MLH3: variants seen among roughly 807,000 people sequenced by gnomAD.
The protein encoded by MLH3 is mutL homolog 3.
A neutral mutation model predicts 122.2 loss-of-function variants in MLH3; 82 were observed. The observed-to-expected ratio is 0.67, with a 90% CI of 0.56 to 0.81. The LOEUF (loss-of-function observed/expected upper bound fraction) is 0.81, where lower values mean the gene tolerates loss of function less well. Among genes scored for constraint, MLH3 ranks in the 30% least tolerant of loss-of-function variants. MLH3 has a pLI of 0.00. For missense variants in MLH3, 1,539 were observed against 1,714.5 expected (o/e 0.90, Z 1.81); for synonymous variants, 524 against 599.5 (o/e 0.87, Z 1.84).
intron 9 of MLH3, among the ~76,000 whole-genome samples, chr14:75,027,143 G>T (rs928348692): frequency 6.6e-6 from 1 of 151,782 alleles, no homozygotes; most frequent in African/African-American, 2.4e-5. Context: ...CAAAAGTAGT[G>T]AAATATTTTC....
chr14:75,028,983 T>A (rs1339890104), intron 9 of MLH3, among the ~76,000 whole-genome samples: 1 of 151,066 alleles, frequency 6.6e-6, no homozygotes, highest in Admixed American at 6.6e-5. Context: ...ACCCCATCTC[T>A]ACTAAAAATA....
chr14:75,031,896 C>G (rs1050267288), intron 8 of MLH3, among the ~76,000 whole-genome samples, 172 bp downstream of exon 8: 1 of 152,180 alleles, frequency 6.6e-6, no homozygotes, highest in Non-Finnish European at 1.5e-5. Context: ...TGGAGTCAGA[C>G]GACCTGCCTT....
rs902755970 is a variant in MLH3, at chr14:75,048,005, G to A, written c.1651C>T (p.Pro551Ser). 133 of 1,613,632 alleles carry A rather than the reference G, an allele frequency of 8.2e-5. No individual in the cohort carries two copies. Among genetic ancestry groups the A allele is most frequent in the Non-Finnish European group, 1.1e-4 (128 of 1,179,966 alleles). ...ILKNNRIQNQ[P>S]KRFKDATEVG... ...TCAGTAGCATCTTTAAATCTCTTTG[G>A]TTGATTCTGAATTCTATTATTTTTC... is the stretch of plus-strand genomic sequence containing the variant. Residue 551 changes from proline (P) to serine (S), a missense_variant, in exon 2 of 13, where the codon CCA becomes TCA. Physicochemically the swap from Pro to Ser is moderately conservative, Grantham distance 74. Transcript: ENST00000355774.
chr14:75,050,251 G>T (rs1188869487), intron 1 of MLH3, among the ~76,000 whole-genome samples: 1 of 152,118 alleles, frequency 6.6e-6, no homozygotes, highest in Non-Finnish European at 1.5e-5. Flanking sequence ...GCATTAAGAG[G>T]TTATTATTAT....
chr14:75,046,241 C>A (rs1892207767), intron 2 of MLH3, 135 bp downstream of exon 2: 3 of 804,390 alleles, frequency 3.7e-6, no homozygotes, highest in Non-Finnish European at 6.1e-6. Context: ...CATGAAAATA[C>A]AACATATGTT....
At chr14:75,029,808 T>C (rs1890917388) in intron 9 of MLH3, among the ~76,000 whole-genome samples, 1 of 152,164 alleles carries the variant, frequency 6.6e-6, no homozygotes, top group African/African-American at 2.4e-5. Context: ...GTGCTGGCAT[T>C]ACAGGTGTGA....
At position 75,015,784 on chromosome 14, in the gene MLH3, A is replaced by C. The variant is rs1377178452; in HGVS notation, c.*1298T>G. Reference sequence around the variant, plus strand: ...TCTGGGGCAGACGCTAATGAATGCAATACTTTCATTGCTCCTGTAAGATTC... The same window carrying C: ...TCTGGGGCAGACGCTAATGAATGCACTACTTTCATTGCTCCTGTAAGATTC... On this transcript the variant is annotated 3_prime_UTR_variant, in exon 13 of 13. Coordinates refer to ENST00000355774, the MANE Select transcript of MLH3 (RefSeq NM_001040108.2). 4.5e-6 allele frequency: 1 copy of C among 224,022 alleles called. No homozygotes were observed. Among genetic ancestry groups the C allele is most frequent in the Non-Finnish European group, 8.9e-6 (1 of 112,270 alleles). The allele number at this position is 224,022 out of a possible 1,614,324, so 13.9% of individuals were successfully genotyped here.
At chr14:75,018,710 T>C (rs1890060975) in intron 12 of MLH3, 119 bp downstream of exon 12, 3 of 1,157,932 alleles carry the variant, frequency 2.6e-6, no homozygotes, top group African/African-American at 1.5e-5. Flanking sequence ...CCAGTGCAGA[T>C]TTTGCAAAAC....
intron 9 of MLH3, 100 bp downstream of exon 9, chr14:75,030,443 G>A: frequency 4.1e-6 from 5 of 1,218,186 alleles, no homozygotes; most frequent in Non-Finnish European, 6.1e-6. Flanking sequence ...TAAATACCAT[G>A]AATACTTGTT....
chr14:75,030,266 T>C (rs1018969880), intron 9 of MLH3, among the ~76,000 whole-genome samples: 1 of 152,202 alleles, frequency 6.6e-6, no homozygotes, highest in Non-Finnish European at 1.5e-5. Flanking sequence ...TGAAAAACTA[T>C]CTTGGTGCAT....
rs1221420695 is a variant in MLH3 at position 75,047,299 on chromosome 14, A to G, written c.2357T>C (p.Val786Ala). The G allele has an allele frequency of 1.9e-6, 3 of 1,614,036 alleles. No individual in the cohort carries two copies. Among genetic ancestry groups the G allele is most frequent in the African/African-American group, 2.7e-5 (2 of 74,936 alleles). Residue 786 changes from valine to alanine, a missense_variant, in exon 2 of 13, where the codon GTT (valine) becomes GCT (alanine). Val to Ala is a moderately conservative substitution (Grantham distance 64). Transcript: ENST00000355774. ...NGVTTNLSLQ[V>A]EPDILLKDKN... ...GTCCTTCAGCAGAATGTCAGGTTCA[A>G]CTTGAAGACTGAGATTGGTAGTGAC... is the stretch of plus-strand genomic sequence containing the variant.
At chr14:75,041,503 A>G in intron 4 of MLH3, 112 bp downstream of exon 4, 1 of 810,536 alleles carries the variant, frequency 1.2e-6, no homozygotes, top group South Asian at 1.5e-5. Context: ...AGCCGAGATC[A>G]TGCCATTGCA....
chr14:75,038,653 C>CGTCTCAGAGTGGT (rs1891590101), intron 5 of MLH3, among the ~76,000 whole-genome samples: 1 of 152,060 alleles, frequency 6.6e-6, no homozygotes, highest in Non-Finnish European at 1.5e-5. Context: ...CAGACTCCCA[C>CGTCTCAGAGTGGT]GTCTCAGAGT....
rs1892250243 is a variant in MLH3, at chr14:75,046,687, GC to G, written c.2968del (p.Ala990ProfsTer6). ...AAGACTTCCTATCTGTTGTTCTGAG[GC>G]TCTGATAAGAACATCTGAATCTTTA... ...TGKDSDVLIRASEQQIGSLDS... is the reference protein window; with the variant it reads ...TGKDSDVLIRXSEQQIGSLDS... On this transcript the variant is annotated frameshift_variant, in exon 2 of 13. Coordinates refer to ENST00000355774, the MANE Select transcript of MLH3 (RefSeq NM_001040108.2). LOFTEE classifies it high-confidence loss of function. 6.2e-7 allele frequency: 1 copy of G among 1,613,934 alleles called. No individual in the cohort carries two copies. The highest frequency in any genetic ancestry group is 1.3e-5 in the African/African-American group (1 of 74,906).
Position 75,049,372 on chromosome 14 carries a change from T to C in MLH3, c.284A>G (p.Glu95Gly). Reference sequence around the variant, plus strand: ...CATGTCAGCAATATTTGCCAAGGCCTCTCCTCGGAAACCATAAAACCTTGG... The same window carrying C: ...CATGTCAGCAATATTTGCCAAGGCCCCTCCTCGGAAACCATAAAACCTTGG... ...ENPRFYGFRGEALANIADMAS... is the reference protein window; with the variant it reads ...ENPRFYGFRGGALANIADMAS... The change falls in exon 2 of 13, where the codon GAG (glutamate) becomes GGG (glycine). Residue 95 changes from glutamate (E) to glycine (G), a missense_variant. Coordinates refer to ENST00000355774, the MANE Select transcript of MLH3 (RefSeq NM_001040108.2). 1 of 1,614,046 alleles carries C rather than the reference T, an allele frequency of 6.2e-7. No homozygotes were observed. Among genetic ancestry groups the C allele is most frequent in the Non-Finnish European group, 8.5e-7 (1 of 1,180,034 alleles).
At position 75,039,906 on chromosome 14, in the gene MLH3, T is replaced by G. The variant is rs1303336856; in HGVS notation, c.3570+5A>C. 8 of 1,297,308 alleles carry G rather than the reference T, an allele frequency of 6.2e-6. No homozygotes were observed. Among genetic ancestry groups the G allele is most frequent in the Non-Finnish European group, 8.7e-6 (8 of 917,898 alleles). 80.4% of individuals were successfully genotyped at this position (1,297,308 alleles called of 1,614,324 possible). On this transcript the variant is annotated splice_donor_5th_base_variant and intron_variant, in intron 5 of 12. Transcript: ENST00000355774. Reference sequence around the variant, plus strand: ...ATTTATGAGATTTTGAAGTTAATCTTTTACCTGCATTGAATGAATCATTCC... The same window carrying G: ...ATTTATGAGATTTTGAAGTTAATCTGTTACCTGCATTGAATGAATCATTCC...
chr14:75,035,524 A>C (rs1026635189), intron 6 of MLH3, among the ~76,000 whole-genome samples: 8 of 152,208 alleles, frequency 5.3e-5, no homozygotes, highest in Non-Finnish European at 1.2e-4. Context: ...CTTCGTCTCA[A>C]AAACAACAAC....
chr14:75,033,297 A>C, intron 7 of MLH3, 122 bp downstream of exon 7: 1 of 789,506 alleles, frequency 1.3e-6, no homozygotes, highest in South Asian at 1.5e-5. Context: ...ACTTTAGTTT[A>C]ATTTTTGAAC....
At chr14:75,029,018 T>C (rs998295039) in intron 9 of MLH3, among the ~76,000 whole-genome samples, 1 of 149,144 alleles carries the variant, frequency 6.7e-6, no homozygotes, top group African/African-American at 2.5e-5. Context: ...GGCATGGTGG[T>C]GTGCGCCTGT....
Sources: gnomAD v4.1 joint callset for allele counts (sites outside exome capture counted in the v4.1 genomes callset) on GRCh38, gnomAD v4.1.1 for gene constraint, MANE v1.5 for transcripts, NCBI Gene and HGNC (gene_info 2026-07-23, HGNC 2026-07-21) for gene names.